Variants in PGM3 observed in about 807,000 individuals in gnomAD.
PGM3 encodes phosphoacetylglucosamine mutase.
In PGM3, 40 loss-of-function variants were observed where a neutral mutation model predicts 66.2. The ratio of observed to expected loss-of-function variants is 0.60; its 90% CI spans 0.47 to 0.79. The LOEUF (loss-of-function observed/expected upper bound fraction) is 0.79. Among genes scored for constraint, PGM3 ranks in the 30% least tolerant of loss-of-function variants. The probability of loss-of-function intolerance (pLI) is 0.00; values close to 1 mark genes in which losing one functional copy is unlikely to be tolerated. For missense variants in PGM3, 537 were observed against 643.4 expected (o/e 0.83, Z 1.79); for synonymous variants, 191 against 224.2 (o/e 0.85, Z 1.32).
downstream of PGM3, chr6:83,159,811 T>G: frequency 6.2e-7 from 1 of 1,614,168 alleles, no homozygotes; most frequent in Non-Finnish European, 8.5e-7. Context: ...CAGGGCCCTC[T>G]GTGGCTGGTC....
intron 9 of PGM3, 87 bp from the exon 10 acceptor site, chr6:83,174,574 C>A: frequency 1.6e-6 from 1 of 619,508 alleles, no homozygotes; most frequent in East Asian, 3.1e-5. Flanking sequence ...CCACTTTTCC[C>A]TCCTAGTCAA....
chr6:83,173,890 C>T (rs1378058606), intron 10 of PGM3, among the ~76,000 whole-genome samples: 2 of 152,084 alleles, frequency 1.3e-5, no homozygotes, highest in Non-Finnish European at 2.9e-5. Flanking sequence ...GTGCCCGCCA[C>T]CATGCCCGGC....
the PGM3 span, among the ~76,000 whole-genome samples, chr6:83,150,902 TATC>T: frequency 6.6e-6 from 1 of 152,186 alleles, no homozygotes; most frequent in South Asian, 2.1e-4. Context: ...CATACCACTA[TATC>T]ATTACAAACC....
chr6:83,189,862 T>C (rs1460466693), intron 2 of PGM3, among the ~76,000 whole-genome samples: 1 of 152,216 alleles, frequency 6.6e-6, no homozygotes, highest in Non-Finnish European at 1.5e-5. Context: ...GAAGACATTA[T>C]GCGAAGTTAA....
chr6:83,160,555 A>G (rs935718391), downstream of PGM3, among the ~76,000 whole-genome samples: 5 of 152,210 alleles, frequency 3.3e-5, no homozygotes, highest in Non-Finnish European at 5.9e-5. Flanking sequence ...TATTTTGGCT[A>G]TGTAGTGTGG....
In PGM3 at chr6:83,178,660, A is replaced by T. The variant is rs758948348; in HGVS notation, c.1029+13T>A. 1 of 1,509,422 alleles carries T rather than the reference A, an allele frequency of 6.6e-7. No individual in the cohort carries two copies. Among genetic ancestry groups the T allele is most frequent in the Non-Finnish European group, 9.2e-7 (1 of 1,085,212 alleles). 93.5% of individuals were successfully genotyped at this position (1,509,422 alleles called of 1,614,324 possible). A position where few individuals can be genotyped will look rare whatever the true frequency, so the allele number is the denominator to read the frequency against. ...AATTAAGAAACTACCAGAAAACAAA[A>T]ATGGTTCAATACCTTCATAACTTCT... On this transcript the variant is annotated intron_variant, in intron 8 of 12. Transcript: ENST00000513973.
chr6:83,170,184 C>T (rs1473232471), intron 12 of PGM3, 121 bp downstream of exon 12: 22 of 877,558 alleles, frequency 2.5e-5, no homozygotes, highest in Non-Finnish European at 3.7e-5. Flanking sequence ...TAATGTGAAC[C>T]TAAAAGGCTC....
At chr6:83,160,107 T>C, downstream of PGM3, 1 of 779,062 alleles carries the variant, frequency 1.3e-6, no homozygotes, top group South Asian at 1.9e-5. Flanking sequence ...CACAGCAGAG[T>C]TATCGGAAGT....
In PGM3 at chr6:83,167,618, T is replaced by C. The variant is rs1786088574; in HGVS notation, c.*1616A>G. The C allele has an allele frequency of 8.3e-7, 1 of 1,200,698 alleles. No homozygotes were observed. The highest frequency in any genetic ancestry group is 1.0e-6 in the Non-Finnish European group (1 of 968,130). The allele number at this position is 1,200,698 out of a possible 1,614,324, so 74.4% of individuals were successfully genotyped here. A position where few individuals can be genotyped will look rare whatever the true frequency, so the allele number is the denominator to read the frequency against. ...CCTGTTCAAAGCTATTTCTGTTAAC[T>C]AAGCTTATCTGCGCATTCTAGTTGG... On this transcript the variant is annotated 3_prime_UTR_variant, in exon 13 of 13. Transcript: ENST00000513973.
intron 2 of PGM3, among the ~76,000 whole-genome samples, chr6:83,190,179 A>G (rs914857260): frequency 1.3e-5 from 2 of 152,254 alleles, no homozygotes; most frequent in Non-Finnish European, 2.9e-5. Flanking sequence ...TTAGCCTGAT[A>G]GTGGTAATCA....
Position 83,169,316 on chromosome 6 carries a change from G to C in PGM3, c.1547C>G (p.Ala516Gly). 1 of 1,613,216 alleles carries C rather than the reference G, an allele frequency of 6.2e-7. No individual in the cohort carries two copies. Among genetic ancestry groups the C allele is most frequent in the African/African-American group, 1.3e-5 (1 of 75,024 alleles). The change falls in exon 13 of 13, where the codon GCA becomes GGA. Residue 516 changes from alanine to glycine, a missense_variant. Ala to Gly is a moderately conservative substitution (Grantham distance 60). Coordinates refer to ENST00000513973, the MANE Select transcript of PGM3 (RefSeq NM_015599.3). ...GCTCACTTCATGTGCAAGGTGATCT[G>C]CACTTTCCTGCAAATTACATTAAAA... ...VYAEADSQES[A>G]DHLAHEVSLA...
At position 83,166,549 on chromosome 6, in the gene PGM3, A is replaced by T; in HGVS notation, c.*2685T>A. 1.6e-6 allele frequency: 1 copy of T among 624,958 alleles called. No homozygotes were observed. Among genetic ancestry groups the T allele is most frequent in the South Asian group, 2.0e-5 (1 of 48,862 alleles). 38.7% of individuals were successfully genotyped at this position (624,958 alleles called of 1,614,324 possible). On this transcript the variant is annotated 3_prime_UTR_variant, in exon 13 of 13. Transcript: ENST00000513973. ...TCTAAAATAAATATAAACAGCAATA[A>T]GTCATTAGCAAAAAAAAAGTGAGAA...
chr6:83,153,614 A>G, the PGM3 span: 1 of 1,589,590 alleles, frequency 6.3e-7, no homozygotes, highest in Non-Finnish European at 8.6e-7. Context: ...TACCTCAGAA[A>G]TCACAGGTAC....
At chr6:83,173,550 T>A (rs1787478843) in intron 10 of PGM3, among the ~76,000 whole-genome samples, 1 of 151,968 alleles carries the variant, frequency 6.6e-6, no homozygotes, top group South Asian at 2.1e-4. Context: ...AAATGGAAAT[T>A]ACAGTAACAC....
At chr6:83,161,562 A>G (rs974258294), downstream of PGM3, among the ~76,000 whole-genome samples, 3 of 152,222 alleles carry the variant, frequency 2.0e-5, no homozygotes, top group South Asian at 4.1e-4. Flanking sequence ...AAATGAGCCA[A>G]TGAGCAAGAC....
Position 83,191,204 on chromosome 6 carries a change from A to G in PGM3, c.-2-190T>C, listed in dbSNP as rs73749738. 15 of 1,534,522 alleles carry G rather than the reference A, an allele frequency of 9.8e-6. No individual in the cohort carries two copies. The highest frequency in any genetic ancestry group is 2.4e-5 in the South Asian group (2 of 84,042). ...AGAATTACCTACAAGATGTTGTCCA[A>G]CTTGGTATGTCCACTCCTGGGCAGA... On this transcript the variant is annotated intron_variant, in intron 1 of 12. Coordinates refer to ENST00000513973, the MANE Select transcript of PGM3 (RefSeq NM_015599.3).
the PGM3 span, chr6:83,152,328 T>C: frequency 1.9e-6 from 3 of 1,571,144 alleles, no homozygotes; most frequent in African/African-American, 1.4e-5. Flanking sequence ...ACATAACTCC[T>C]TCTGTATATA....
Position 83,167,681 on chromosome 6 carries a change from C to A in PGM3, c.*1553G>T. The stretch of plus-strand genomic sequence containing the variant: ...CAATGTTAGACTGCTCCATGTAAAA[C>A]TAATAAATGGCAGTAAAAGGTCTCA... On this transcript the variant is annotated 3_prime_UTR_variant, in exon 13 of 13. Transcript: ENST00000513973. 7.3e-7 allele frequency: 1 copy of A among 1,377,106 alleles called. No individual in the cohort carries two copies. The highest frequency in any genetic ancestry group is 9.3e-7 in the Non-Finnish European group (1 of 1,070,006). The allele number at this position is 1,377,106 out of a possible 1,614,324, so 85.3% of individuals were successfully genotyped here. A position where few individuals can be genotyped will look rare whatever the true frequency, so the allele number is the denominator to read the frequency against.
At chr6:83,159,766 G>A, downstream of PGM3, 1 of 1,613,712 alleles carries the variant, frequency 6.2e-7, no homozygotes, top group Non-Finnish European at 8.5e-7. Flanking sequence ...AATGGGTCCA[G>A]CTGCTGACAG....
Sources: gnomAD v4.1 joint callset for allele counts (sites outside exome capture counted in the v4.1 genomes callset) on GRCh38, gnomAD v4.1.1 for gene constraint, MANE v1.5 for transcripts, NCBI Gene and HGNC (gene_info 2026-07-23, HGNC 2026-07-21) for gene names.